HS2ST1: variants seen among roughly 807,000 people sequenced by gnomAD.
The protein encoded by HS2ST1 is heparan sulfate 2-O-sulfotransferase 1.
Under a neutral mutation model 42.9 loss-of-function variants are expected in HS2ST1, and 18 were observed. The ratio of observed to expected loss-of-function variants is 0.42; its 90% CI spans 0.29 to 0.62. The LOEUF (loss-of-function observed/expected upper bound fraction) is 0.62. Among genes scored for constraint, HS2ST1 ranks in the 20% least tolerant of loss-of-function variants. The pLI is 0.21. For synonymous variants in HS2ST1, 146 were observed against 152.9 expected (o/e 0.95, Z 0.33); for missense variants, 334 against 433.8 (o/e 0.77, Z 2.04).
intron 1 of HS2ST1, among the ~76,000 whole-genome samples, chr1:86,992,472 T>C (rs1197555055): frequency 6.6e-6 from 1 of 152,034 alleles, no homozygotes; most frequent in Non-Finnish European, 1.5e-5. Context: ...GTCCAAGAGA[T>C]TCTCCTGCCT....
At chr1:87,029,076 C>T (rs1004376616) in intron 1 of HS2ST1, among the ~76,000 whole-genome samples, 4 of 151,976 alleles carry the variant, frequency 2.6e-5, no homozygotes, top group African/African-American at 9.7e-5. Flanking sequence ...CAAATCTAAT[C>T]CAGCAGTGTT....
chr1:87,065,084 A>T (rs143610962), intron 1 of HS2ST1, among the ~76,000 whole-genome samples: 1 of 152,334 alleles, frequency 6.6e-6, no homozygotes, highest in Non-Finnish European at 1.5e-5. Flanking sequence ...CTGGGCAGTC[A>T]ACTCACAGTA....
intron 1 of HS2ST1, among the ~76,000 whole-genome samples, chr1:87,023,692 G>T (rs1474393782): frequency 1.3e-5 from 2 of 152,040 alleles, no homozygotes; most frequent in Non-Finnish European, 2.9e-5. Flanking sequence ...GCATGATAAG[G>T]ATATATTGAA....
intron 1 of HS2ST1, among the ~76,000 whole-genome samples, chr1:86,929,071 T>C (rs1455532791): frequency 6.6e-6 from 1 of 151,938 alleles, no homozygotes; most frequent in Admixed American, 6.6e-5. Context: ...ATAAGTGTTT[T>C]ATGTGTATAG....
intron 1 of HS2ST1, among the ~76,000 whole-genome samples, chr1:87,065,709 G>A (rs915257265): frequency 6.6e-6 from 1 of 152,164 alleles, no homozygotes; most frequent in Non-Finnish European, 1.5e-5. Context: ...AATGTGTAGT[G>A]TTGCTCTGCT....
In HS2ST1 at chr1:87,109,529, T is replaced by C. The variant is rs1010407094; in HGVS notation, c.*4833T>C. 2.0e-5 allele frequency: 3 copies of C among 152,018 alleles called. No individual in the cohort carries two copies. The highest frequency in any genetic ancestry group is 2.0e-4 in the Admixed American group (3 of 15,262). The allele number at this position is 152,018 out of a possible 1,614,324, so 9.4% of individuals were successfully genotyped here. ...ACATTTATGGCACAGTTTGGACATA[T>C]CCATAATTTTTTTTGGGAACACACA... On this transcript the variant is annotated 3_prime_UTR_variant, in exon 7 of 7. Transcript: ENST00000370550.
intron 1 of HS2ST1, chr1:87,046,510 A>T (rs1210729459): frequency 2.1e-6 from 3 of 1,432,032 alleles, no homozygotes; most frequent in Non-Finnish European, 2.0e-6. Flanking sequence ...ATCCAGTTAA[A>T]CTTTTTACCA....
At chr1:86,947,030 A>G (rs906909363) in intron 1 of HS2ST1, among the ~76,000 whole-genome samples, 1 of 152,240 alleles carries the variant, frequency 6.6e-6, no homozygotes, top group African/African-American at 2.4e-5. Flanking sequence ...CATGAGTATC[A>G]GCATGTTTTG....
chr1:87,057,679 A>G (rs1015153085), intron 1 of HS2ST1, among the ~76,000 whole-genome samples: 1 of 151,002 alleles, frequency 6.6e-6, no homozygotes. Flanking sequence ...GTGAAACCCC[A>G]TCTCTACTAA....
chr1:87,098,154 T>C (rs1405603598), intron 5 of HS2ST1: 1 of 1,144,038 alleles, frequency 8.7e-7, no homozygotes, highest in Non-Finnish European at 1.1e-6. Context: ...TTTTCTGAGA[T>C]GCCGGTTTTT....
At chr1:87,078,630 A>G (rs1026779465) in intron 2 of HS2ST1, among the ~76,000 whole-genome samples, 4 of 152,132 alleles carry the variant, frequency 2.6e-5, no homozygotes, top group East Asian at 1.9e-4. Context: ...CTTAACTTCA[A>G]TTGATACTAT....
intron 3 of HS2ST1, among the ~76,000 whole-genome samples, chr1:87,091,337 A>G (rs1651935741): frequency 6.6e-6 from 1 of 152,012 alleles, no homozygotes; most frequent in Non-Finnish European, 1.5e-5. Context: ...CCTAACTATA[A>G]CAGATAAATG....
At position 86,915,044 on chromosome 1, in the gene HS2ST1, T is replaced by G; in HGVS notation, c.8T>G (p.Leu3Arg). The change falls in exon 1 of 7, where the codon CTC (leucine) becomes CGC (arginine). Residue 3 changes from leucine to arginine, a missense_variant. Transcript: ENST00000370550. MG[L>R]LRIMMPPKLQ... ...TCCCGAGCAGCGGGTTTCATGGGGC[T>G]CCTCAGGATTATGATGCCGCCCAAG... 1 of 1,614,106 alleles carries G rather than the reference T, an allele frequency of 6.2e-7. No homozygotes were observed.
intron 1 of HS2ST1, among the ~76,000 whole-genome samples, chr1:86,932,632 A>G (rs911240467): frequency 6.6e-6 from 1 of 152,172 alleles, no homozygotes; most frequent in Non-Finnish European, 1.5e-5. Context: ...CTCTGTCTGT[A>G]TTAGAACAGC....
intron 1 of HS2ST1, among the ~76,000 whole-genome samples, chr1:86,975,279 C>CT (rs74502539): frequency 0.031 from 4,293 of 138,962 alleles, 180 homozygotes; most frequent in African/African-American, 0.086. Flanking sequence ...ATAGCTTTTT[C>CT]TTTTTTTTTT....
chr1:86,914,883 G>C lies in HS2ST1; in HGVS notation c.-154G>C. On this transcript the variant is annotated 5_prime_UTR_variant, in exon 1 of 7. Transcript: ENST00000370550. ...TAGCGCCTGGGGGAGGGGGACTGGAGAGGCGAGAAGGGGGGTCGCTGCGGT... is the reference window on the plus strand; with the variant it reads ...TAGCGCCTGGGGGAGGGGGACTGGACAGGCGAGAAGGGGGGTCGCTGCGGT... The C allele has an allele frequency of 1.2e-6, 1 of 832,808 alleles. No individual in the cohort carries two copies. The highest frequency in any genetic ancestry group is 1.7e-5 in the South Asian group (1 of 60,494). 51.6% of individuals were successfully genotyped at this position (832,808 alleles called of 1,614,324 possible). A position where few individuals can be genotyped will look rare whatever the true frequency, so the allele number is the denominator to read the frequency against.
intron 1 of HS2ST1, among the ~76,000 whole-genome samples, chr1:87,020,183 T>G (rs985934807): frequency 6.6e-6 from 1 of 152,180 alleles, no homozygotes; most frequent in African/African-American, 2.4e-5. Flanking sequence ...AACCCCTTTA[T>G]CACAAGGAAC....
intron 1 of HS2ST1, among the ~76,000 whole-genome samples, chr1:86,939,476 A>G (rs1050420554): frequency 2.0e-5 from 3 of 152,214 alleles, no homozygotes; most frequent in Non-Finnish European, 4.4e-5. Flanking sequence ...ACTCCATGTC[A>G]TGGATGTACT....
chr1:86,976,048 T>G (rs1648391288), intron 1 of HS2ST1, among the ~76,000 whole-genome samples: 1 of 152,244 alleles, frequency 6.6e-6, no homozygotes, highest in African/African-American at 2.4e-5. Context: ...AGTGTACATT[T>G]ATTAAATGCA....
Sources: gnomAD v4.1 joint callset for allele counts (sites outside exome capture counted in the v4.1 genomes callset) on GRCh38, gnomAD v4.1.1 for gene constraint, MANE v1.5 for transcripts, NCBI Gene and HGNC (gene_info 2026-07-23, HGNC 2026-07-21) for gene names.